Variants in ARHGAP10 observed in about 807,000 individuals in gnomAD.
The protein encoded by ARHGAP10 is rho GTPase-activating protein 10.
A neutral mutation model predicts 108.6 loss-of-function variants in ARHGAP10; 87 were observed. The observed-to-expected ratio is 0.80, with a 90% CI of 0.67 to 0.96. The LOEUF (loss-of-function observed/expected upper bound fraction) is 0.96, where lower values mean the gene tolerates loss of function less well. Among genes scored for constraint, ARHGAP10 ranks in the 40% least tolerant of loss-of-function variants. ARHGAP10 has a pLI of 0.00. For synonymous variants in ARHGAP10, 347 were observed against 341.1 expected (o/e 1.02, Z -0.19); for missense variants, 939 against 954.5 (o/e 0.98, Z 0.21).
At chr4:147,842,635 TTGCC>T (rs1269934199) in intron 3 of ARHGAP10, among the ~76,000 whole-genome samples, 1 of 152,160 alleles carries the variant, frequency 6.6e-6, no homozygotes, top group Non-Finnish European at 1.5e-5. Context: ...TGGAAGGCCT[TTGCC>T]TGGAGAACAC....
intron 18 of ARHGAP10, among the ~76,000 whole-genome samples, chr4:147,987,494 C>T (rs1055989446): frequency 1.3e-5 from 2 of 152,174 alleles, no homozygotes; most frequent in African/African-American, 4.8e-5. Flanking sequence ...TTCCTTCAGG[C>T]GACAGCCCAG....
In ARHGAP10 at chr4:147,934,793, C is replaced by T. The variant is rs564756071; in HGVS notation, c.1229-5032C>T. 7.2e-5 allele frequency among the ~76,000 whole-genome samples: 11 copies of T among 152,274 alleles called. No individual in the cohort carries two copies. In the South Asian group the frequency reaches 2.3e-3, roughly 32 times the overall value. On this transcript the variant is annotated intron_variant, in intron 13 of 22. Transcript: ENST00000336498. ...AGGCTGCAGAGAGCTGTTATCACAC[C>T]ACTGCATTCCACCTGGGTGACAGAA...
rs535706136 is a variant in ARHGAP10, at chr4:147,925,850, A to AGATGG, written c.1228+12712_1228+12716dup. On this transcript the variant is annotated intron_variant, in intron 13 of 22. Coordinates refer to ENST00000336498, the MANE Select transcript of ARHGAP10 (RefSeq NM_024605.4). Reference sequence around the variant, plus strand: ...GCCCTGATTCCTCAGGGCACTGCAAAGATGGCCAGGTGATACTTATGGATG... The same window carrying AGATGG: ...GCCCTGATTCCTCAGGGCACTGCAAAGATGGGATGGCCAGGTGATACTTATGGATG... Among the ~76,000 whole-genome samples the AGATGG allele has an allele frequency of 6.6e-5, 10 of 152,324 alleles. No individual in the cohort carries two copies. In the South Asian group the frequency reaches 2.1e-3, roughly 32 times the overall value.
intron 18 of ARHGAP10, among the ~76,000 whole-genome samples, chr4:147,971,547 A>G (rs916579465): frequency 6.6e-6 from 1 of 152,194 alleles, no homozygotes; most frequent in Non-Finnish European, 1.5e-5. Flanking sequence ...AATCAGTTTT[A>G]TAATGGAGTT....
intron 13 of ARHGAP10, among the ~76,000 whole-genome samples, chr4:147,933,124 T>A (rs1416952269): frequency 6.6e-6 from 1 of 152,270 alleles, no homozygotes; most frequent in Non-Finnish European, 1.5e-5. Flanking sequence ...TAAATTTCTT[T>A]GAGAGATTGC....
chr4:147,804,122 A>C (rs182267974), intron 1 of ARHGAP10, among the ~76,000 whole-genome samples: 1 of 151,810 alleles, frequency 6.6e-6, no homozygotes, highest in Admixed American at 6.6e-5. Context: ...GGTACCCAAT[A>C]GGTAGTTTGT....
intron 13 of ARHGAP10, among the ~76,000 whole-genome samples, chr4:147,919,719 C>T (rs983172026): frequency 6.6e-6 from 1 of 152,108 alleles, no homozygotes; most frequent in Non-Finnish European, 1.5e-5. Context: ...GCTGGGATTA[C>T]AGGCGTGTGC....
At chr4:148,025,845 C>G (rs752223816) in intron 19 of ARHGAP10, among the ~76,000 whole-genome samples, 2 of 151,862 alleles carry the variant, frequency 1.3e-5, no homozygotes, top group Admixed American at 6.6e-5. Context: ...GAAGTGACTT[C>G]CCATGTTAAT....
rs552604722 is a variant in ARHGAP10, at chr4:147,924,931, CATT to C, written c.1228+11796_1228+11798del. Among the ~76,000 whole-genome samples the C allele has an allele frequency of 1.7e-3, 262 of 151,630 alleles. 1 individual carries two copies. The highest frequency in any genetic ancestry group is 5.5e-3 in the African/African-American group (228 of 41,368). On this transcript the variant is annotated intron_variant, in intron 13 of 22. Coordinates refer to ENST00000336498, the MANE Select transcript of ARHGAP10 (RefSeq NM_024605.4). ...GAGGCCAATTATAATTAAGTAGTCTCATTATTGATTTAAGGCTCTAGGAGATTG... is the reference window on the plus strand; with the variant it reads ...GAGGCCAATTATAATTAAGTAGTCTCATTGATTTAAGGCTCTAGGAGATTG...
chr4:147,893,232 T>A (rs1312911622), intron 10 of ARHGAP10, among the ~76,000 whole-genome samples: 1 of 151,816 alleles, frequency 6.6e-6, no homozygotes, highest in Non-Finnish European at 1.5e-5. Flanking sequence ...CTAATTTTTG[T>A]ATTTTTAGTA....
Position 147,882,021 on chromosome 4 carries a change from T to G in ARHGAP10, c.1034+89T>G, listed in dbSNP as rs1258196810. The G allele has an allele frequency of 2.5e-6, 3 of 1,198,672 alleles. No homozygotes were observed. The African/African-American group carries it at 4.5e-5, about 18-fold the overall frequency. The allele number at this position is 1,198,672 out of a possible 1,614,324, so 74.3% of individuals were successfully genotyped here. On this transcript the variant is annotated intron_variant, in intron 10 of 22. Coordinates refer to ENST00000336498, the MANE Select transcript of ARHGAP10 (RefSeq NM_024605.4). ...AGAGGTTAGTTGCAACTGTGATTTCTGTGGCCTGGGAGAATGTTATCTTGC... is the reference window on the plus strand; with the variant it reads ...AGAGGTTAGTTGCAACTGTGATTTCGGTGGCCTGGGAGAATGTTATCTTGC...
rs771776619 is a variant in ARHGAP10, at chr4:147,822,947, G to A, written c.302G>A (p.Arg101Lys). The A allele has an allele frequency of 6.2e-7, 1 of 1,613,346 alleles. No homozygotes were observed. Among genetic ancestry groups the A allele is most frequent in the South Asian group, 1.1e-5 (1 of 91,066 alleles). ...SNFLKNLEEQ[R>K]EIMALSVTET... ...TTTTTGAAGAATCTGGAGGAACAGA[G>A]AGAAATTATGGTGAGTTGAGAGGGG... The change falls in exon 3 of 23, where the codon AGA becomes AAA. Residue 101 changes from arginine to lysine, a missense_variant. Transcript: ENST00000336498.
Position 147,772,315 on chromosome 4 carries a change from C to A in ARHGAP10, c.154+39860C>A, listed in dbSNP as rs183625817. Among the ~76,000 whole-genome samples the A allele has an allele frequency of 1.2e-4, 19 of 152,340 alleles. No homozygotes were observed. In the East Asian group the frequency reaches 3.7e-3, roughly 29 times the overall value. ...TCCACCTGGCGGTAGTGTGTATCTG[C>A]CAGTTGACACTTTACATCACACAGT... On this transcript the variant is annotated intron_variant, in intron 1 of 22. Transcript: ENST00000336498.
intron 4 of ARHGAP10, among the ~76,000 whole-genome samples, chr4:147,848,539 T>G (rs1422902387): frequency 6.6e-6 from 1 of 152,262 alleles, no homozygotes. Context: ...TTTATGATTT[T>G]GTTTTGATTG....
At chr4:148,010,393 G>T (rs888241563) in intron 18 of ARHGAP10, among the ~76,000 whole-genome samples, 4 of 152,028 alleles carry the variant, frequency 2.6e-5, no homozygotes, top group Non-Finnish European at 5.9e-5. Context: ...TTAACCATTG[G>T]TTTTTTCATC....
At chr4:147,929,067 A>G (rs1737571031) in intron 13 of ARHGAP10, among the ~76,000 whole-genome samples, 1 of 152,192 alleles carries the variant, frequency 6.6e-6, no homozygotes, top group Non-Finnish European at 1.5e-5. Flanking sequence ...TGTAACCTTA[A>G]CACATTTGTA....
intron 19 of ARHGAP10, among the ~76,000 whole-genome samples, chr4:148,036,360 C>T (rs1314913465): frequency 6.6e-6 from 1 of 152,102 alleles, no homozygotes; most frequent in African/African-American, 2.4e-5. Context: ...GGTGTGTCCC[C>T]GCCCAGATCT....
intron 4 of ARHGAP10, among the ~76,000 whole-genome samples, chr4:147,852,547 C>T (rs1733911338): frequency 6.6e-6 from 1 of 151,988 alleles, no homozygotes; most frequent in Non-Finnish European, 1.5e-5. Context: ...TGTGCCTTCT[C>T]CCTGCTGGAG....
chr4:147,939,018 G>A (rs1422832291), intron 13 of ARHGAP10, among the ~76,000 whole-genome samples: 1 of 152,128 alleles, frequency 6.6e-6, no homozygotes, highest in Non-Finnish European at 1.5e-5. Flanking sequence ...TAAAGCAAAT[G>A]TAAGGTTACT....
Sources: allele counts gnomAD v4.1 joint callset (sites outside exome capture counted in the v4.1 genomes callset), GRCh38; gene constraint gnomAD v4.1.1; transcripts MANE v1.5; gene names NCBI Gene and HGNC (gene_info 2026-07-23, HGNC 2026-07-21).